The following GFRA2 variants were observed in gnomAD, a reference collection of about 807,000 sequenced individuals.
GFRA2 encodes the protein GDNF family receptor alpha-2.
In GFRA2, 17 loss-of-function variants were observed where a neutral mutation model predicts 48.3. That is an observed-to-expected ratio of 0.35 (90% CI 0.24 to 0.53). The LOEUF (loss-of-function observed/expected upper bound fraction) is 0.53. Among genes scored for constraint, GFRA2 ranks in the 20% least tolerant of loss-of-function variants. The pLI, the probability that GFRA2 is intolerant of heterozygous loss-of-function variation, is 0.93. For missense variants in GFRA2, 660 were observed against 637.3 expected, an observed-to-expected ratio of 1.04 and a Z score of -0.38; for synonymous variants, 305 against 257.2, an observed-to-expected ratio of 1.19 and a Z score of -1.78.
chr8:21,809,268 T>C (rs943523563), intron 1 of GFRA2, among the ~76,000 whole-genome samples: 1 of 152,210 alleles, frequency 6.6e-6, no homozygotes, highest in Non-Finnish European at 1.5e-5. Context: ...GAGAAACAAA[T>C]GCATGTCCGC....
upstream of GFRA2, chr8:21,790,026 C>T (rs1807518626): frequency 4.1e-6 from 4 of 973,700 alleles, no homozygotes; most frequent in East Asian, 1.1e-4. Flanking sequence ...CTCCCCTAGC[C>T]GGGAAGGGGG....
At chr8:21,774,936 G>T in intron 3 of GFRA2, 36 bp downstream of exon 3, 1 of 1,183,918 alleles carries the variant, frequency 8.4e-7, no homozygotes, top group South Asian at 1.2e-5. Flanking sequence ...AGGGACGAGA[G>T]GAGAACGGGC....
At chr8:21,783,295 G>T (rs62494102) in intron 1 of GFRA2, among the ~76,000 whole-genome samples, 36,493 of 151,934 alleles carry the variant, frequency 0.24, 6,735 homozygotes, top group African/African-American at 0.49. Flanking sequence ...CATCTCACTT[G>T]CATACCACCC....
chr8:21,796,783 T>C (rs1410049257), intron 2 of GFRA2, among the ~76,000 whole-genome samples: 1 of 152,222 alleles, frequency 6.6e-6, no homozygotes, highest in Non-Finnish European at 1.5e-5. Flanking sequence ...GGCAGAGCAA[T>C]GTTTAACCTC....
intron 4 of GFRA2, among the ~76,000 whole-genome samples, chr8:21,723,688 T>C (rs548314843): frequency 1.3e-5 from 2 of 152,240 alleles, no homozygotes; most frequent in East Asian, 1.9e-4. Flanking sequence ...GGGAAGACTT[T>C]TGGACACCCC....
intron 3 of GFRA2, among the ~76,000 whole-genome samples, chr8:21,771,298 C>T (rs1806426702): frequency 6.6e-6 from 1 of 152,254 alleles, no homozygotes; most frequent in Non-Finnish European, 1.5e-5. Context: ...TACTGTCTCA[C>T]ACTTTCAAGG....
chr8:21,809,068 G>T (rs1807927971), intron 1 of GFRA2, among the ~76,000 whole-genome samples: 4 of 152,172 alleles, frequency 2.6e-5, no homozygotes, highest in Admixed American at 2.6e-4. Context: ...GATAAGGAGG[G>T]TAGTGTGCCC....
chr8:21,707,185 G>T (rs758236867), intron 4 of GFRA2, among the ~76,000 whole-genome samples: 2 of 152,208 alleles, frequency 1.3e-5, no homozygotes, highest in African/African-American at 4.8e-5. Context: ...ATTCTATGGT[G>T]ACTCGACAAG....
intron 4 of GFRA2, among the ~76,000 whole-genome samples, chr8:21,735,317 A>G (rs1466723825): frequency 6.6e-6 from 1 of 152,092 alleles, no homozygotes; most frequent in East Asian, 1.9e-4. Flanking sequence ...CTGCCTTTCT[A>G]TATAGCATAC....
chr8:21,795,240 G>A (rs886555060), intron 2 of GFRA2, among the ~76,000 whole-genome samples: 34 of 152,284 alleles, frequency 2.2e-4, no homozygotes, highest in South Asian at 6.2e-4. Context: ...TGTACTTCCC[G>A]GCTGTACAAA....
At chr8:21,806,009 G>A (rs1372916772) in intron 1 of GFRA2, among the ~76,000 whole-genome samples, 1 of 152,196 alleles carries the variant, frequency 6.6e-6, no homozygotes, top group East Asian at 1.9e-4. Flanking sequence ...GAGTCCCAAG[G>A]GATGGGCGCC....
rs200274236 is a variant in GFRA2 at position 21,718,817 on chromosome 8, CA to C, written c.795-12777del. ...TTAACTCACAACACAGCAGCAAGGC[CA>C]GAAGACTTAGGTTCAAATCCTAGCC... is the stretch of plus-strand genomic sequence containing the variant. On this transcript the variant is annotated intron_variant, in intron 4 of 8. Transcript: ENST00000524240. Among the ~76,000 whole-genome samples, 478 of 152,274 alleles carry C rather than the reference CA, an allele frequency of 3.1e-3. 6 individuals carry two copies. Among genetic ancestry groups the C allele is most frequent in the Admixed American group, 0.022 (336 of 15,300 alleles).
At chr8:21,783,183 A>G (rs1807099638) in intron 1 of GFRA2, 1 of 597,076 alleles carries the variant, frequency 1.7e-6, no homozygotes, top group African/African-American at 1.8e-5. Context: ...GTCCCGGCTC[A>G]AGACCTCAGT....
rs1017629155 is a variant in GFRA2, at chr8:21,728,277, T to C, written c.795-22236A>G. Reference sequence around the variant, plus strand: ...CTCCGGGAACCAGGTTTTTTTTTTTTTTTTTTTTTTTTTTTGAGATGGAGT... The same window carrying C: ...CTCCGGGAACCAGGTTTTTTTTTTTCTTTTTTTTTTTTTTTGAGATGGAGT... On this transcript the variant is annotated intron_variant, in intron 4 of 8. Coordinates refer to ENST00000524240, the MANE Select transcript of GFRA2 (RefSeq NM_001495.5). Among the ~76,000 whole-genome samples the C allele has an allele frequency of 4.4e-5, 6 of 137,662 alleles. 1 individual carries two copies. Among genetic ancestry groups the C allele is most frequent in the African/African-American group, 1.3e-4 (5 of 37,078 alleles). The allele number at this position is 137,662 out of a possible 152,430, so 90.3% of individuals were successfully genotyped here.
chr8:21,720,225 C>T (rs1222538402), intron 4 of GFRA2, among the ~76,000 whole-genome samples: 2 of 152,180 alleles, frequency 1.3e-5, no homozygotes, highest in Admixed American at 1.3e-4. Flanking sequence ...GCATTTTAGG[C>T]TGAGCATGAA....
intron 7 of GFRA2, among the ~76,000 whole-genome samples, chr8:21,699,537 A>G (rs1394104799): frequency 6.6e-6 from 1 of 152,108 alleles, no homozygotes; most frequent in African/African-American, 2.4e-5. Context: ...GCCCCAAGGG[A>G]GTGTCAGGGA....
At chr8:21,795,394 ATT>A (rs1372611472) in intron 2 of GFRA2, among the ~76,000 whole-genome samples, 4 of 119,246 alleles carry the variant, frequency 3.4e-5, no homozygotes, top group Non-Finnish European at 5.5e-5. Context: ...CTTTTTATTT[ATT>A]TATTTTTTTT....
At chr8:21,760,805 C>G (rs11775754) in intron 3 of GFRA2, among the ~76,000 whole-genome samples, 9 of 151,866 alleles carry the variant, frequency 5.9e-5, no homozygotes, top group Non-Finnish European at 1.2e-4. Context: ...AACTCTGGGT[C>G]GCCTTATGTT....
intron 4 of GFRA2, among the ~76,000 whole-genome samples, chr8:21,742,527 G>A (rs1231758405): frequency 2.6e-5 from 4 of 152,126 alleles, no homozygotes; most frequent in Admixed American, 6.6e-5. Flanking sequence ...ATGATATTCC[G>A]TTACAGCAGC....
Sources: allele counts gnomAD v4.1 joint callset (sites outside exome capture counted in the v4.1 genomes callset), GRCh38; gene constraint gnomAD v4.1.1; transcripts MANE v1.5; gene names NCBI Gene and HGNC (gene_info 2026-07-23, HGNC 2026-07-21).